ANK1: variants seen among roughly 807,000 people sequenced by gnomAD.
The protein encoded by ANK1 is ankyrin-1.
Under a neutral mutation model 210.4 loss-of-function variants are expected in ANK1, and 51 were observed. The observed-to-expected ratio is 0.24, with a 90% confidence interval of 0.19 to 0.31. The LOEUF is 0.31. Among genes scored for constraint, ANK1 ranks in the 10% least tolerant of loss-of-function variants. ANK1 has a pLI of 1.00. For missense variants in ANK1, 2,051 were observed against 2,504.4 expected (o/e 0.82, Z 3.86); for synonymous variants, 967 against 1,025.9 (o/e 0.94, Z 1.10).
At chr8:41,738,291 A>T (rs1332467308) in intron 2 of ANK1, among the ~76,000 whole-genome samples, 1 of 152,186 alleles carries the variant, frequency 6.6e-6, no homozygotes, top group Non-Finnish European at 1.5e-5. Context: ...TTTGGATACA[A>T]CAGATGCACA....
At chr8:41,689,173 A>G (rs1457816137) in intron 33 of ANK1, among the ~76,000 whole-genome samples, 1 of 151,794 alleles carries the variant, frequency 6.6e-6, no homozygotes, top group Non-Finnish European at 1.5e-5. Context: ...GCTGGAGTGC[A>G]GTGCGATGGC....
At chr8:41,717,470 C>T (rs1222552578) in intron 12 of ANK1, 134 bp downstream of exon 12, 10 of 858,526 alleles carry the variant, frequency 1.2e-5, no homozygotes, top group Non-Finnish European at 1.9e-5. Flanking sequence ...GGGATGTCCT[C>T]CCCCAGTCTG....
intron 37 of ANK1, 115 bp downstream of exon 37, chr8:41,684,429 A>G (rs1817063975): frequency 6.8e-7 from 1 of 1,480,284 alleles, no homozygotes; most frequent in African/African-American, 1.4e-5. Context: ...ACCTCCCACC[A>G]ATGGGAGGCA....
intron 1 of ANK1, among the ~76,000 whole-genome samples, chr8:41,890,692 G>C (rs1796782885): frequency 7.2e-6 from 1 of 138,258 alleles, no homozygotes; most frequent in South Asian, 2.2e-4. Flanking sequence ...CTGGGTGACA[G>C]AGCGAGACTC....
chr8:41,809,011 C>T (rs893629876), intron 1 of ANK1, among the ~76,000 whole-genome samples: 1 of 152,176 alleles, frequency 6.6e-6, no homozygotes, highest in African/African-American at 2.4e-5. Flanking sequence ...CACTAGTCAC[C>T]CAGCTGCATG....
At chr8:41,665,080 G>A (rs1253965939) in intron 39 of ANK1, 20 of 1,594,910 alleles carry the variant, frequency 1.3e-5, no homozygotes, top group Non-Finnish European at 1.5e-5. Context: ...CACCACGGGG[G>A]GCCTGCCTCT....
In ANK1 at chr8:41,797,417, A is replaced by G. The variant is rs1022935253; in HGVS notation, c.27+95T>C. The G allele has an allele frequency of 1.2e-5, 14 of 1,192,118 alleles. No individual in the cohort carries two copies. The highest frequency in any genetic ancestry group is 2.0e-5 in the Admixed American group (1 of 50,338). The allele number at this position is 1,192,118 out of a possible 1,614,324, so 73.8% of individuals were successfully genotyped here. On this transcript the variant is annotated intron_variant, in intron 1 of 42. Transcript: ENST00000289734. The surrounding 1 kb of genome is among the most constrained non-coding windows in gnomAD (Gnocchi z 4.0). ...GGGAGGCGAGGCGGGTGGGGTGTGC[A>G]AAGCTGCTCTTGCTCGCGTGCTGCC...
intron 35 of ANK1, among the ~76,000 whole-genome samples, chr8:41,687,200 G>C (rs1025828289): frequency 1.3e-5 from 2 of 152,216 alleles, no homozygotes; most frequent in African/African-American, 4.8e-5. Context: ...AGGAGGGGAA[G>C]GGGAAGCCAT....
chr8:41,880,756 G>A (rs1448026136), intron 1 of ANK1, among the ~76,000 whole-genome samples: 1 of 152,240 alleles, frequency 6.6e-6, no homozygotes, highest in African/African-American at 2.4e-5. Flanking sequence ...AGAAGGCTCA[G>A]GCTTCTGCAT....
intron 1 of ANK1, among the ~76,000 whole-genome samples, chr8:41,794,329 A>G (rs1848327799): frequency 6.6e-6 from 1 of 152,050 alleles, no homozygotes; most frequent in Admixed American, 6.5e-5. Context: ...TATTCCCATG[A>G]CACACGCCTG....
chr8:41,816,388 T>C (rs928058217), intron 1 of ANK1, among the ~76,000 whole-genome samples: 5 of 152,220 alleles, frequency 3.3e-5, no homozygotes, highest in Non-Finnish European at 4.4e-5. Context: ...TGCATTATAT[T>C]TAATGCTAAC....
chr8:41,668,208 C>T, intron 39 of ANK1, 59 bp downstream of exon 39: 1 of 1,611,504 alleles, frequency 6.2e-7, no homozygotes. Context: ...GCCCTGGAGT[C>T]CCGGCCCCTT....
intron 1 of ANK1, among the ~76,000 whole-genome samples, chr8:41,837,414 A>C (rs1406696552): frequency 6.6e-6 from 1 of 152,210 alleles, no homozygotes; most frequent in East Asian, 1.9e-4. Context: ...GGGGAAACAC[A>C]CTGACACATG....
At chr8:41,840,028 TTTTTTCTTTTAAAATTA>T (rs1808568847) in intron 1 of ANK1, 1 of 152,178 alleles carries the variant, frequency 6.6e-6, no homozygotes, top group Non-Finnish European at 1.5e-5. Context: ...AACTTGTTTT[TTTTTTCTTTTAAAATTA>T]TTTTTATTTT....
Position 41,686,285 on chromosome 8 carries a change from TGCAA to T in ANK1, c.4259-6_4259-3del. The stretch of plus-strand genomic sequence containing the variant: ...TGAACTGCAGCTCCCGGGCCAACTC[TGCAA>T]GCAAAGAACCAACAGCAGATGTGAG... On this transcript the variant is annotated splice_region_variant and splice_polypyrimidine_tract_variant and intron_variant, in intron 35 of 42. Coordinates refer to ENST00000289734, the MANE Select transcript of ANK1 (RefSeq NM_000037.4). 1 of 1,613,466 alleles carries T rather than the reference TGCAA, an allele frequency of 6.2e-7. No individual in the cohort carries two copies. The highest frequency in any genetic ancestry group is 8.5e-7 in the Non-Finnish European group (1 of 1,180,012).
intron 42 of ANK1, among the ~76,000 whole-genome samples, chr8:41,657,014 T>C (rs1805968855): frequency 6.6e-6 from 1 of 152,058 alleles, no homozygotes; most frequent in Non-Finnish European, 1.5e-5. Context: ...CGCTCTACCC[T>C]CCTGTTCTCT....
chr8:41,741,760 C>T lies in ANK1; in HGVS notation c.130-7691G>A, dbSNP rs566075112. On this transcript the variant is annotated intron_variant, in intron 2 of 42. Coordinates refer to ENST00000289734, the MANE Select transcript of ANK1 (RefSeq NM_000037.4). ...AGATGGGTTCAGGAAAAAATGATCA[C>T]TTTGTAAATTATCGAGCTTTTTGTC... Among the ~76,000 whole-genome samples, 17 of 152,316 alleles carry T rather than the reference C, an allele frequency of 1.1e-4. No homozygotes were observed. In the East Asian group the frequency reaches 2.9e-3, roughly 26 times the overall value.
At chr8:41,848,922 A>G (rs958875073) in intron 1 of ANK1, among the ~76,000 whole-genome samples, 3 of 152,204 alleles carry the variant, frequency 2.0e-5, no homozygotes, top group Non-Finnish European at 4.4e-5. Context: ...CCCAGTCTCC[A>G]GGCCTGTGAC....
chr8:41,693,876 G>A (rs1399380396), intron 29 of ANK1, 22 bp downstream of exon 29: 1 of 1,589,350 alleles, frequency 6.3e-7, no homozygotes, highest in South Asian at 1.1e-5. Context: ...GAGAACAGAA[G>A]CGAGGCAGGG....
Sources: allele counts gnomAD v4.1 joint callset (sites outside exome capture counted in the v4.1 genomes callset), GRCh38; gene constraint gnomAD v4.1.1; non-coding constraint Gnocchi (gnomAD v3.1); transcripts MANE v1.5; gene names NCBI Gene and HGNC (gene_info 2026-07-23, HGNC 2026-07-21).